The following DIAPH3 variants were observed in gnomAD, a reference collection of about 807,000 sequenced individuals.
DIAPH3 encodes diaphanous related formin 3.
Under a neutral mutation model 144.3 loss-of-function variants are expected in DIAPH3, and 117 were observed. The observed-to-expected ratio is 0.81, with a 90% CI of 0.70 to 0.95. The LOEUF (loss-of-function observed/expected upper bound fraction) is 0.95. DIAPH3 is among the 40% of genes least tolerant of loss of function. The pLI is 0.00. For synonymous variants in DIAPH3, 519 were observed against 488.9 expected (o/e 1.06, Z -0.81); for missense variants, 1,421 against 1,412.7 (o/e 1.01, Z -0.09).
intron 2 of DIAPH3, among the ~76,000 whole-genome samples, chr13:60,129,154 T>G (rs569841869): frequency 6.6e-6 from 1 of 152,130 alleles, no homozygotes; most frequent in African/African-American, 2.4e-5. Context: ...GACACACTGA[T>G]GGATAATTTA....
intron 27 of DIAPH3, among the ~76,000 whole-genome samples, chr13:59,672,572 C>A (rs1301833389): frequency 1.3e-5 from 2 of 152,190 alleles, no homozygotes; most frequent in East Asian, 3.8e-4. Context: ...TTTTAAAGCA[C>A]CACTGGGTCT....
chr13:59,805,012 T>C (rs2040120928), intron 25 of DIAPH3, among the ~76,000 whole-genome samples: 1 of 152,146 alleles, frequency 6.6e-6, no homozygotes, highest in Non-Finnish European at 1.5e-5. Flanking sequence ...GTTTTGGCCA[T>C]GTGGGTAAAC....
At chr13:60,021,675 A>AAG (rs2054035098) in intron 5 of DIAPH3, among the ~76,000 whole-genome samples, 1 of 151,890 alleles carries the variant, frequency 6.6e-6, no homozygotes, top group African/African-American at 2.4e-5. Context: ...TCAAAAAAAA[A>AAG]AAAAAAAAAG....
intron 21 of DIAPH3, 40 bp from the exon 22 acceptor site, chr13:59,861,576 G>C: frequency 6.3e-7 from 1 of 1,579,720 alleles, no homozygotes; most frequent in Non-Finnish European, 8.7e-7. Flanking sequence ...AGAGTCATAA[G>C]TATGTTGATA....
chr13:59,914,579 T>C (rs1202632223), intron 19 of DIAPH3, among the ~76,000 whole-genome samples: 1 of 152,166 alleles, frequency 6.6e-6, no homozygotes, highest in South Asian at 2.1e-4. Context: ...CCTGAATTAT[T>C]TGGATGTACT....
At chr13:60,153,552 C>G (rs1337987260) in intron 1 of DIAPH3, 2 of 151,924 alleles carry the variant, frequency 1.3e-5, no homozygotes, top group Admixed American at 6.6e-5. Context: ...CCATTTCCAC[C>G]CAAGAATTAA....
intron 4 of DIAPH3, among the ~76,000 whole-genome samples, chr13:60,050,524 A>C (rs1393082848): frequency 2.0e-5 from 3 of 152,178 alleles, no homozygotes; most frequent in Admixed American, 6.5e-5. Context: ...TGTTAAAAAG[A>C]AGAGGAAGAG....
intron 5 of DIAPH3, among the ~76,000 whole-genome samples, chr13:60,016,489 C>T (rs1236595545): frequency 2.6e-5 from 4 of 152,168 alleles, no homozygotes; most frequent in African/African-American, 7.2e-5. Context: ...GCCTCCCCCA[C>T]CCACGCACCC....
intron 3 of DIAPH3, among the ~76,000 whole-genome samples, chr13:60,101,009 T>C (rs2058253999): frequency 6.6e-6 from 1 of 152,156 alleles, no homozygotes; most frequent in East Asian, 1.9e-4. Flanking sequence ...CTATTTTCAT[T>C]CCAAACCTGC....
intron 1 of DIAPH3, among the ~76,000 whole-genome samples, chr13:60,156,555 T>C (rs1952031115): frequency 6.6e-6 from 1 of 152,076 alleles, no homozygotes; most frequent in Non-Finnish European, 1.5e-5. Context: ...GGGCTTGGTG[T>C]GGTGTCAACT....
At chr13:59,901,803 C>T (rs2046449690) in intron 20 of DIAPH3, among the ~76,000 whole-genome samples, 1 of 152,106 alleles carries the variant, frequency 6.6e-6, no homozygotes, top group Non-Finnish European at 1.5e-5. Context: ...CCAACAAAAT[C>T]CAAGTCCCTG....
At chr13:60,130,580 C>T (rs959290703) in intron 2 of DIAPH3, among the ~76,000 whole-genome samples, 2 of 152,164 alleles carry the variant, frequency 1.3e-5, no homozygotes, top group Non-Finnish European at 2.9e-5. Context: ...GCCTGACTAG[C>T]GCCAAGCCAG....
chr13:59,727,993 T>A (rs1250740371), intron 27 of DIAPH3, among the ~76,000 whole-genome samples: 4 of 151,320 alleles, frequency 2.6e-5, no homozygotes, highest in African/African-American at 9.7e-5. Context: ...CTTTTAAAGA[T>A]AAATTTAAAA....
At chr13:59,682,860 C>T (rs925700200) in intron 27 of DIAPH3, among the ~76,000 whole-genome samples, 2 of 152,102 alleles carry the variant, frequency 1.3e-5, no homozygotes, top group Admixed American at 1.3e-4. Flanking sequence ...GTTTTTTGTG[C>T]CCCTGCCTCA....
intron 7 of DIAPH3, among the ~76,000 whole-genome samples, chr13:60,011,613 A>G (rs531377367): frequency 1.7e-3 from 261 of 152,316 alleles, no homozygotes; most frequent in African/African-American, 5.8e-3. Context: ...GCACATCTCA[A>G]TTCAGACTAG....
intron 27 of DIAPH3, among the ~76,000 whole-genome samples, chr13:59,751,187 A>G (rs977619245): frequency 1.3e-5 from 2 of 152,256 alleles, no homozygotes; most frequent in Admixed American, 1.3e-4. Context: ...TGCTATGGCA[A>G]CGGGAGTTGC....
chr13:59,828,401 T>C (rs2041576231), intron 24 of DIAPH3, among the ~76,000 whole-genome samples: 1 of 151,972 alleles, frequency 6.6e-6, no homozygotes, highest in Non-Finnish European at 1.5e-5. Context: ...AAAGAAAGTA[T>C]GCCCTGTGCT....
intron 20 of DIAPH3, among the ~76,000 whole-genome samples, chr13:59,904,437 A>T (rs761212745): frequency 2.6e-5 from 4 of 151,988 alleles, no homozygotes; most frequent in East Asian, 1.9e-4. Context: ...ACTTTTTTTA[A>T]AAAGTTTTAA....
intron 17 of DIAPH3, among the ~76,000 whole-genome samples, chr13:59,931,689 G>C (rs1406311871): frequency 6.6e-6 from 1 of 152,162 alleles, no homozygotes; most frequent in African/African-American, 2.4e-5. Flanking sequence ...AATTGGCAGA[G>C]TAAAAGAGAA....
Sources: allele counts gnomAD v4.1 joint callset (sites outside exome capture counted in the v4.1 genomes callset), GRCh38; gene constraint gnomAD v4.1.1; transcripts MANE v1.5; gene names NCBI Gene and HGNC (gene_info 2026-07-23, HGNC 2026-07-21).